HAT1: variants seen among roughly 807,000 people sequenced by gnomAD.
HAT1 encodes histone acetyltransferase type B catalytic subunit.
Under a neutral mutation model 56.6 loss-of-function variants are expected in HAT1, and 20 were observed. The observed-to-expected ratio is 0.35, with a 90% CI of 0.25 to 0.51. HAT1 has a LOEUF of 0.51. Ranked by LOEUF, HAT1 falls within the 20% of genes least tolerant of loss-of-function variation. The pLI is 0.95. For synonymous variants in HAT1, 146 were observed against 165.5 expected, an observed-to-expected ratio of 0.88 and a Z score of 0.91; for missense variants, 408 against 504.3, an observed-to-expected ratio of 0.81 and a Z score of 1.83.
intron 4 of HAT1, among the ~76,000 whole-genome samples, chr2:171,963,615 G>C (rs939324301): frequency 9.2e-5 from 14 of 152,086 alleles, no homozygotes; most frequent in African/African-American, 3.4e-4. Flanking sequence ...TTTAAAAGTA[G>C]TTTTTCTTGG....
intron 4 of HAT1, among the ~76,000 whole-genome samples, chr2:171,960,859 A>C (rs894832259): frequency 6.6e-6 from 1 of 151,918 alleles, no homozygotes; most frequent in East Asian, 1.9e-4. Flanking sequence ...AAAAAAAAAA[A>C]TGCTGAACGT....
chr2:171,982,149 CTTT>C (rs1010636134), intron 10 of HAT1, among the ~76,000 whole-genome samples: 13 of 151,760 alleles, frequency 8.6e-5, no homozygotes, highest in African/African-American at 3.1e-4. Flanking sequence ...AATGATAATT[CTTT>C]TTTATATTAT....
intron 2 of HAT1, among the ~76,000 whole-genome samples, chr2:171,944,705 A>G (rs1687113633): frequency 6.6e-6 from 1 of 152,182 alleles, no homozygotes; most frequent in African/African-American, 2.4e-5. Context: ...TCTGTCCCAC[A>G]ATGAATGATG....
chr2:171,929,651 A>G (rs907613880), intron 2 of HAT1, among the ~76,000 whole-genome samples: 1 of 152,206 alleles, frequency 6.6e-6, no homozygotes, highest in South Asian at 2.1e-4. Flanking sequence ...CATGTCCAAT[A>G]TGAGGAAAGG....
At chr2:171,928,339 A>G (rs1574031963) in intron 2 of HAT1, among the ~76,000 whole-genome samples, 2 of 152,372 alleles carry the variant, frequency 1.3e-5, no homozygotes, top group Non-Finnish European at 2.9e-5. Flanking sequence ...GCCACCTGCA[A>G]GGTGACTACA....
intron 7 of HAT1, 130 bp from the exon 8 acceptor site, chr2:171,966,713 G>T (rs1574060972): frequency 3.2e-6 from 2 of 627,448 alleles, no homozygotes; most frequent in Non-Finnish European, 2.8e-6. Flanking sequence ...GATAATTTTT[G>T]GGTATCTCAA....
intron 4 of HAT1, among the ~76,000 whole-genome samples, chr2:171,964,544 A>C (rs780144798): frequency 6.6e-6 from 1 of 152,212 alleles, no homozygotes; most frequent in Non-Finnish European, 1.5e-5. Flanking sequence ...GAGAAGCAGC[A>C]ATACTTTATT....
At chr2:171,936,403 C>T (rs1044871850) in intron 2 of HAT1, among the ~76,000 whole-genome samples, 2 of 152,148 alleles carry the variant, frequency 1.3e-5, no homozygotes, top group South Asian at 2.1e-4. Flanking sequence ...GAACTGTTAG[C>T]GCAAGATAGG....
At chr2:171,965,296 A>G (rs1321707125) in intron 4 of HAT1, 42 bp from the exon 5 acceptor site, 1 of 1,186,420 alleles carries the variant, frequency 8.4e-7, no homozygotes. Flanking sequence ...TTCAACTTAA[A>G]GTCGAATTTG....
chr2:171,948,152 C>A (rs968152868), intron 3 of HAT1, among the ~76,000 whole-genome samples: 2 of 152,104 alleles, frequency 1.3e-5, no homozygotes, highest in Non-Finnish European at 2.9e-5. Context: ...CTATCCTGAT[C>A]CTTTACACCT....
At chr2:171,938,076 T>C (rs539564930) in intron 2 of HAT1, among the ~76,000 whole-genome samples, 1,251 of 63,656 alleles carry the variant, frequency 0.02, 12 homozygotes, top group Non-Finnish European at 0.025. Context: ...CTCTCTCTCT[T>C]TAAATGAACT....
intron 2 of HAT1, 104 bp from the exon 3 acceptor site, chr2:171,946,604 T>C (rs1687170516): frequency 4.4e-6 from 3 of 688,568 alleles, no homozygotes; most frequent in African/African-American, 3.7e-5. Flanking sequence ...AGAAAAATGT[T>C]GGCTGTATCC....
Position 171,979,247 on chromosome 2 carries a change from C to A in HAT1, c.976C>A (p.Gln326Lys), listed in dbSNP as rs756064418. 1 of 1,445,440 alleles carries A rather than the reference C, an allele frequency of 6.9e-7. No homozygotes were observed. Among genetic ancestry groups the A allele is most frequent in the Non-Finnish European group, 9.5e-7 (1 of 1,051,398 alleles). 89.5% of individuals were successfully genotyped at this position (1,445,440 alleles called of 1,614,324 possible). The stretch of plus-strand genomic sequence containing the variant: ...CGCATTTTCTTTTGTTTCATTCTAG[C>A]AACACGCTAGAAGGGTTTATGAAAT... ...EAQQKFKINK[Q>K]HARRVYEILR... Residue 326 changes from glutamine to lysine, a missense_variant and splice_region_variant, in exon 10 of 11, where the codon CAA becomes AAA. Gln to Lys is a moderately conservative substitution (Grantham distance 53). Transcript: ENST00000264108.
intron 2 of HAT1, among the ~76,000 whole-genome samples, chr2:171,935,491 G>A (rs1686850114): frequency 7.5e-6 from 1 of 133,280 alleles, no homozygotes; most frequent in African/African-American, 3.0e-5. Flanking sequence ...CTCCAGCCTG[G>A]GCAACAAGAG....
At chr2:171,977,547 ATATATATATATTT>A (rs1289629339) in intron 9 of HAT1, among the ~76,000 whole-genome samples, 1 of 14,338 alleles carries the variant, frequency 7.0e-5, no homozygotes, top group African/African-American at 3.2e-4. Flanking sequence ...ATATATATAT[ATATATATATATTT>A]TTTTTTTTTT....
intron 3 of HAT1, 56 bp downstream of exon 3, chr2:171,946,839 CT>C: frequency 1.3e-6 from 1 of 759,860 alleles, no homozygotes; most frequent in Non-Finnish European, 2.2e-6. Flanking sequence ...AATTTTCATT[CT>C]TTTTCTTTTA....
chr2:171,925,472 C>T, intron 1 of HAT1, 65 bp from the exon 2 acceptor site: 2 of 762,092 alleles, frequency 2.6e-6, no homozygotes, highest in Non-Finnish European at 4.8e-6. Context: ...TTATAATAAC[C>T]CTATTGCAGG....
At chr2:171,965,718 T>C (rs1687667879) in intron 5 of HAT1, 69 bp from the exon 6 acceptor site, 2 of 1,471,454 alleles carry the variant, frequency 1.4e-6, no homozygotes, top group Non-Finnish European at 9.3e-7. Context: ...CAGGATAATT[T>C]TGTGTTCTGC....
At chr2:171,923,775 A>G (rs1363390912) in intron 1 of HAT1, 1 of 152,216 alleles carries the variant, frequency 6.6e-6, no homozygotes, top group Non-Finnish European at 1.5e-5. Flanking sequence ...AATTACATCT[A>G]AATTCGAATT....
Sources: allele counts gnomAD v4.1 joint callset (sites outside exome capture counted in the v4.1 genomes callset), GRCh38; gene constraint gnomAD v4.1.1; transcripts MANE v1.5; gene names NCBI Gene and HGNC (gene_info 2026-07-23, HGNC 2026-07-21).